ZNF407: variants seen among roughly 807,000 people sequenced by gnomAD.
ZNF407 encodes zinc finger protein 407.
Under a neutral mutation model 131.2 loss-of-function variants are expected in ZNF407, and 17 were observed. The observed-to-expected ratio is 0.13, with a 90% confidence interval of 0.09 to 0.19. The LOEUF (loss-of-function observed/expected upper bound fraction) is 0.19. ZNF407 is among the 10% of genes least tolerant of loss of function. The pLI is 1.00. For synonymous variants in ZNF407, 1,156 were observed against 1,062.0 expected (o/e 1.09, Z -1.72); for missense variants, 2,681 against 2,830.6 (o/e 0.95, Z 1.20).
chr18:74,974,052 T>C (rs1236709457), intron 8 of ZNF407, among the ~76,000 whole-genome samples: 1 of 152,200 alleles, frequency 6.6e-6, no homozygotes, highest in African/African-American at 2.4e-5. Context: ...ATATGGCAAT[T>C]CAATTAATTT....
intron 3 of ZNF407, among the ~76,000 whole-genome samples, chr18:74,653,511 A>G (rs1337825157): frequency 6.6e-6 from 1 of 151,860 alleles, no homozygotes; most frequent in African/African-American, 2.4e-5. Context: ...ATTGTGAAAT[A>G]TTACTAACCA....
chr18:74,856,308 T>C (rs934149120), intron 4 of ZNF407, among the ~76,000 whole-genome samples: 1 of 152,232 alleles, frequency 6.6e-6, no homozygotes, highest in Non-Finnish European at 1.5e-5. Flanking sequence ...ACGCATCATC[T>C]AAGGAGCTCG....
At chr18:74,791,807 G>T (rs905459804) in intron 4 of ZNF407, among the ~76,000 whole-genome samples, 1 of 152,100 alleles carries the variant, frequency 6.6e-6, no homozygotes. Flanking sequence ...CTTGAGGGCT[G>T]GTCTCAGCTT....
intron 3 of ZNF407, among the ~76,000 whole-genome samples, chr18:74,722,587 TG>T: frequency 6.6e-6 from 1 of 152,294 alleles, no homozygotes; most frequent in Admixed American, 6.5e-5. Flanking sequence ...TCCAGTTTTT[TG>T]TTTCAGTCTT....
chr18:74,995,402 A>G (rs554767410), intron 8 of ZNF407, among the ~76,000 whole-genome samples: 7 of 152,272 alleles, frequency 4.6e-5, no homozygotes, highest in South Asian at 4.1e-4. Flanking sequence ...ATTCGATCCT[A>G]CACTGGGTTG....
At chr18:74,729,814 A>G (rs1373859785) in intron 3 of ZNF407, among the ~76,000 whole-genome samples, 2 of 152,184 alleles carry the variant, frequency 1.3e-5, no homozygotes, top group Non-Finnish European at 1.5e-5. Flanking sequence ...TTTCAGAAAC[A>G]GTTGCAAGAA....
chr18:74,863,896 T>A (rs1214798836), intron 4 of ZNF407, among the ~76,000 whole-genome samples: 2 of 152,242 alleles, frequency 1.3e-5, no homozygotes, highest in East Asian at 3.8e-4. Context: ...TATTATAAAG[T>A]TATGCCTGGC....
chr18:74,758,863 A>T (rs556722358), intron 3 of ZNF407, among the ~76,000 whole-genome samples: 1 of 152,286 alleles, frequency 6.6e-6, no homozygotes, highest in Non-Finnish European at 1.5e-5. Flanking sequence ...TACAGGCATG[A>T]GTCACTATGC....
intron 8 of ZNF407, among the ~76,000 whole-genome samples, chr18:74,923,929 A>G (rs897537029): frequency 6.6e-6 from 1 of 152,074 alleles, no homozygotes; most frequent in East Asian, 1.9e-4. Flanking sequence ...TGGTATATTC[A>G]TCATAGTCAA....
intron 3 of ZNF407, among the ~76,000 whole-genome samples, chr18:74,708,349 A>G (rs34145303): frequency 0.085 from 12,953 of 152,268 alleles, 751 homozygotes; most frequent in African/African-American, 0.16. Flanking sequence ...ACAGGCATGT[A>G]TAGGTTTATA....
chr18:75,055,491 A>C (rs927608317), intron 8 of ZNF407, among the ~76,000 whole-genome samples: 1 of 152,100 alleles, frequency 6.6e-6, no homozygotes, highest in African/African-American at 2.4e-5. Context: ...CATCACCTCT[A>C]TTACTGTTAG....
At chr18:75,012,216 G>A (rs1049142452) in intron 8 of ZNF407, among the ~76,000 whole-genome samples, 13 of 151,982 alleles carry the variant, frequency 8.6e-5, no homozygotes, top group African/African-American at 3.1e-4. Context: ...CACTTTTTGA[G>A]TTAGCTGAAT....
intron 3 of ZNF407, among the ~76,000 whole-genome samples, chr18:74,658,655 A>G (rs578806): frequency 0.13 from 19,255 of 152,222 alleles, 2,146 homozygotes; most frequent in African/African-American, 0.3. Flanking sequence ...AATTCTTTAC[A>G]AACTGTTTCA....
At chr18:74,852,694 G>C (rs1374498683) in intron 4 of ZNF407, among the ~76,000 whole-genome samples, 1 of 152,118 alleles carries the variant, frequency 6.6e-6, no homozygotes, top group Non-Finnish European at 1.5e-5. Flanking sequence ...AGAAGGAAGT[G>C]AGCTTGGGTG....
At chr18:75,051,751 T>C (rs532091566) in intron 8 of ZNF407, among the ~76,000 whole-genome samples, 2 of 152,318 alleles carry the variant, frequency 1.3e-5, no homozygotes, top group South Asian at 2.1e-4. Flanking sequence ...TCGGGACTTA[T>C]TCCAGCCATG....
At position 74,675,063 on chromosome 18, in the gene ZNF407, A is replaced by C. The variant is rs549629781; in HGVS notation, c.4802+33941A>C. Among the ~76,000 whole-genome samples, 7 of 152,306 alleles carry C rather than the reference A, an allele frequency of 4.6e-5. No individual in the cohort carries two copies. The South Asian group carries it at 1.4e-3, about 32-fold the overall frequency. ...ATAGAATCCCTTATTTGTGTCCCAA[A>C]ACTTTTCTTGCATTTCCTGTCACTC... On this transcript the variant is annotated intron_variant, in intron 3 of 8. Coordinates refer to ENST00000299687, the MANE Select transcript of ZNF407 (RefSeq NM_017757.3).
intron 8 of ZNF407, among the ~76,000 whole-genome samples, chr18:75,018,814 T>G (rs2122197532): frequency 6.6e-6 from 1 of 152,234 alleles, no homozygotes; most frequent in Admixed American, 6.5e-5. Flanking sequence ...GCAAAGAAAT[T>G]GCAGATTTTG....
At chr18:74,710,939 T>C (rs1175555748) in intron 3 of ZNF407, among the ~76,000 whole-genome samples, 1 of 152,208 alleles carries the variant, frequency 6.6e-6, no homozygotes, top group Non-Finnish European at 1.5e-5. Flanking sequence ...CCTGTCAGAA[T>C]GAGACAACAG....
Position 74,635,769 on chromosome 18 carries a change from A to G in ZNF407, c.4687+63A>G, listed in dbSNP as rs1019533774. On this transcript the variant is annotated intron_variant, in intron 2 of 8. Transcript: ENST00000299687. The surrounding 1 kb of genome is among the most constrained non-coding windows in gnomAD (Gnocchi z 4.7). Reference sequence around the variant, plus strand: ...TGGGGCCATTTGTTCCCATCCAGATATGCAGCCCTACCTGTGGCTGCTCAT... The same window carrying G: ...TGGGGCCATTTGTTCCCATCCAGATGTGCAGCCCTACCTGTGGCTGCTCAT... 8.6e-6 allele frequency: 13 copies of G among 1,519,180 alleles called. No individual in the cohort carries two copies. In the Admixed American group the frequency reaches 1.1e-4, roughly 13 times the overall value. The allele number at this position is 1,519,180 out of a possible 1,614,324, so 94.1% of individuals were successfully genotyped here.
Sources: allele counts gnomAD v4.1 joint callset (sites outside exome capture counted in the v4.1 genomes callset), GRCh38; gene constraint gnomAD v4.1.1; non-coding constraint Gnocchi (gnomAD v3.1); transcripts MANE v1.5; gene names NCBI Gene and HGNC (gene_info 2026-07-23, HGNC 2026-07-21).